Variants in ABTB3 observed in about 807,000 individuals in gnomAD.
ABTB3 encodes the protein ankyrin repeat- and BTB/POZ domain-containing protein 3.
chr12:107,360,181 A>G, the ABTB3 span, among the ~76,000 whole-genome samples: 1 of 152,220 alleles, frequency 6.6e-6, no homozygotes, highest in Admixed American at 6.5e-5. Flanking sequence ...ACAATATGCA[A>G]TGGGAATGAA....
At chr12:107,637,300 G>C in the ABTB3 span, among the ~76,000 whole-genome samples, 4 of 152,170 alleles carry the variant, frequency 2.6e-5, no homozygotes, top group African/African-American at 9.7e-5. Context: ...GCTGAGGCAG[G>C]AGAATCACTT....
At chr12:107,541,547 G>A in the ABTB3 span, among the ~76,000 whole-genome samples, 3 of 152,244 alleles carry the variant, frequency 2.0e-5, no homozygotes, top group Non-Finnish European at 2.9e-5. Context: ...CAGGCCAGCA[G>A]GCTGGAGATT....
the ABTB3 span, among the ~76,000 whole-genome samples, chr12:107,430,031 C>A: frequency 2.6e-5 from 4 of 152,290 alleles, no homozygotes; most frequent in South Asian, 2.1e-4. Flanking sequence ...GTGTGTGAAC[C>A]TTTCTGGTCT....
the ABTB3 span, among the ~76,000 whole-genome samples, chr12:107,354,719 G>T: frequency 6.6e-6 from 1 of 152,224 alleles, no homozygotes; most frequent in Admixed American, 6.5e-5. Context: ...CCTCTGAGCA[G>T]TGTACGAGAG....
chr12:107,462,608 TATGATGATGGTG>T, the ABTB3 span, among the ~76,000 whole-genome samples: 19 of 151,742 alleles, frequency 1.3e-4, no homozygotes, highest in South Asian at 1.5e-3. Flanking sequence ...TAGTGACAGT[TATGATGATGGTG>T]ATGATGATGG....
chr12:107,459,252 A>G, the ABTB3 span, among the ~76,000 whole-genome samples: 1 of 152,184 alleles, frequency 6.6e-6, no homozygotes, highest in Non-Finnish European at 1.5e-5. Context: ...GAGGGATCAG[A>G]ATCCATCCCA....
the ABTB3 span, chr12:107,486,494 A>T: frequency 6.6e-6 from 1 of 152,174 alleles, no homozygotes; most frequent in South Asian, 2.1e-4. Context: ...CAGACACACG[A>T]TTCTGTCTAG....
chr12:107,347,565 T>C, the ABTB3 span, among the ~76,000 whole-genome samples: 1 of 152,134 alleles, frequency 6.6e-6, no homozygotes, highest in Admixed American at 6.5e-5. Flanking sequence ...TTCTAAGGTC[T>C]CTCCACAGGG....
the ABTB3 span, among the ~76,000 whole-genome samples, chr12:107,656,770 C>T: frequency 6.6e-6 from 1 of 152,256 alleles, no homozygotes; most frequent in Non-Finnish European, 1.5e-5. Context: ...GGTGCTGTGT[C>T]CTCAGAATCA....
At chr12:107,581,326 G>A in the ABTB3 span, 1 of 1,309,792 alleles carries the variant, frequency 7.6e-7, no homozygotes, top group South Asian at 2.0e-5. Flanking sequence ...GGCGGGCGGG[G>A]GGCGGCAGGG....
At chr12:107,507,211 C>T in the ABTB3 span, among the ~76,000 whole-genome samples, 1 of 152,028 alleles carries the variant, frequency 6.6e-6, no homozygotes, top group Non-Finnish European at 1.5e-5. Context: ...TGGTCAGCCA[C>T]CCCTAAGGGG....
the ABTB3 span, chr12:107,649,138 G>A: frequency 6.3e-5 from 89 of 1,401,754 alleles, no homozygotes; most frequent in African/African-American, 1.1e-3. Flanking sequence ...CTGAGTTGGG[G>A]CATCCACCGA....
the ABTB3 span, among the ~76,000 whole-genome samples, chr12:107,602,469 G>A: frequency 6.6e-6 from 1 of 152,170 alleles, no homozygotes; most frequent in Non-Finnish European, 1.5e-5. Flanking sequence ...CACTTAATGA[G>A]AGCTGTATGC....
chr12:107,626,464 GCATCCAGAGTAGCTGGGACT>G, the ABTB3 span, among the ~76,000 whole-genome samples: 1 of 150,176 alleles, frequency 6.7e-6, no homozygotes, highest in Non-Finnish European at 1.5e-5. Context: ...TCCTGCCTCA[GCATCCAGAGTAGCTGGGACT>G]ACAAGCACCC....
At chr12:107,536,361 C>T in the ABTB3 span, among the ~76,000 whole-genome samples, 1 of 152,006 alleles carries the variant, frequency 6.6e-6, no homozygotes, top group Non-Finnish European at 1.5e-5. Context: ...TTCAAAAGTA[C>T]AGGCAACAAA....
chr12:107,370,716 G>A, the ABTB3 span, among the ~76,000 whole-genome samples: 1 of 150,390 alleles, frequency 6.6e-6, no homozygotes, highest in Admixed American at 6.6e-5. Context: ...TGCAAAGCCA[G>A]CTCTGTGAAG....
At chr12:107,565,864 T>A in the ABTB3 span, among the ~76,000 whole-genome samples, 1 of 152,220 alleles carries the variant, frequency 6.6e-6, no homozygotes, top group African/African-American at 2.4e-5. Flanking sequence ...TTTGCCAGTG[T>A]CCACGGAGTG....
At chr12:107,528,306 A>C in the ABTB3 span, among the ~76,000 whole-genome samples, 2 of 152,236 alleles carry the variant, frequency 1.3e-5, no homozygotes, top group Admixed American at 1.3e-4. Flanking sequence ...TATTTTTATG[A>C]GTACTAGGAC....
chr12:107,649,173 GCTGTTGACA>G, the ABTB3 span: 1 of 1,582,812 alleles, frequency 6.3e-7, no homozygotes, highest in Non-Finnish European at 8.7e-7. Context: ...ATGCGTCTTT[GCTGTTGACA>G]CTGTTCTCTG....
Sources: allele counts gnomAD v4.1 joint callset (sites outside exome capture counted in the v4.1 genomes callset), GRCh38; gene constraint gnomAD v4.1.1; transcripts MANE v1.5; gene names NCBI Gene and HGNC (gene_info 2026-07-23, HGNC 2026-07-21).